GALNTL6: variants seen among roughly 807,000 people sequenced by gnomAD.
GALNTL6 encodes polypeptide N-acetylgalactosaminyltransferase-like 6.
In GALNTL6, 46 loss-of-function variants were observed where a neutral mutation model predicts 73.7. That is an observed-to-expected ratio of 0.62 (90% CI 0.49 to 0.80). The LOEUF is 0.80. GALNTL6 is among the 30% of genes least tolerant of loss of function. The pLI is 0.00. For missense variants in GALNTL6, 604 were observed against 755.0 expected, an observed-to-expected ratio of 0.80 and a Z score of 2.34; for synonymous variants, 259 against 263.7, an observed-to-expected ratio of 0.98 and a Z score of 0.17.
At chr4:172,909,428 T>C (rs192692368) in intron 8 of GALNTL6, among the ~76,000 whole-genome samples, 1 of 151,900 alleles carries the variant, frequency 6.6e-6, no homozygotes, top group African/African-American at 2.4e-5. Flanking sequence ...ATACCCTTCA[T>C]AAATAACGAT....
chr4:172,257,814 A>G (rs115778624), intron 3 of GALNTL6, among the ~76,000 whole-genome samples: 4,113 of 151,520 alleles, frequency 0.027, 172 homozygotes, highest in African/African-American at 0.092. Flanking sequence ...ATATTAATTT[A>G]CACAAAAGGT....
At chr4:172,906,203 A>G (rs546557860) in intron 8 of GALNTL6, among the ~76,000 whole-genome samples, 1 of 152,292 alleles carries the variant, frequency 6.6e-6, no homozygotes, top group Non-Finnish European at 1.5e-5. Flanking sequence ...ATGTGGAGAC[A>G]GATAAATTCA....
At position 172,211,674 on chromosome 4, in the gene GALNTL6, T is replaced by C. The variant is rs191531281; in HGVS notation, c.139-17982T>C. Among the ~76,000 whole-genome samples, 716 of 152,286 alleles carry C rather than the reference T, an allele frequency of 4.7e-3. 7 individuals carry two copies. Among genetic ancestry groups the C allele is most frequent in the Middle Eastern group, 0.014 (4 of 294 alleles). ...GGCTGTTACAACAAAATGCCTTACA[T>C]TGGGTAATTTATGAACAACAGAAAT... On this transcript the variant is annotated intron_variant, in intron 2 of 12. Coordinates refer to ENST00000506823, the MANE Select transcript of GALNTL6 (RefSeq NM_001034845.3).
intron 2 of GALNTL6, among the ~76,000 whole-genome samples, chr4:172,089,515 G>C (rs998410543): frequency 2.0e-5 from 3 of 151,980 alleles, no homozygotes; most frequent in Admixed American, 2.0e-4. Context: ...CAGAAGGGTG[G>C]GAGAGAAATT....
chr4:172,063,797 C>T (rs1731280035), intron 2 of GALNTL6, among the ~76,000 whole-genome samples: 1 of 152,110 alleles, frequency 6.6e-6, no homozygotes, highest in Non-Finnish European at 1.5e-5. Context: ...GGACTCTCCC[C>T]AATTTAACAA....
intron 2 of GALNTL6, among the ~76,000 whole-genome samples, chr4:171,942,448 G>T (rs553469620): frequency 9.9e-4 from 150 of 151,986 alleles, no homozygotes; most frequent in African/African-American, 3.5e-3. Flanking sequence ...TCCATGATAG[G>T]TCTTATTTGA....
chr4:172,810,022 T>TAGA (rs148847774), intron 6 of GALNTL6, among the ~76,000 whole-genome samples: 1,911 of 152,120 alleles, frequency 0.013, 36 homozygotes, highest in African/African-American at 0.042. Context: ...ACAGTTAAAG[T>TAGA]AGAAGCACCT....
chr4:171,872,976 A>G (rs1189182829), intron 2 of GALNTL6, among the ~76,000 whole-genome samples: 3 of 152,154 alleles, frequency 2.0e-5, no homozygotes, highest in Admixed American at 2.0e-4. Context: ...GAATTATGGG[A>G]GGGAAGATGA....
chr4:172,846,393 C>T (rs555316807), intron 7 of GALNTL6, among the ~76,000 whole-genome samples: 2 of 152,098 alleles, frequency 1.3e-5, no homozygotes, highest in Non-Finnish European at 2.9e-5. Flanking sequence ...TATAAACTGG[C>T]ATCAGGAACA....
intron 10 of GALNTL6, among the ~76,000 whole-genome samples, chr4:172,966,399 C>CTT (rs561306473): frequency 0.016 from 2,339 of 143,256 alleles, 21 homozygotes; most frequent in South Asian, 0.031. Context: ...GGGAGTCGAT[C>CTT]TTTTTTTTTT....
intron 5 of GALNTL6, among the ~76,000 whole-genome samples, chr4:172,444,402 G>GC (rs1204376011): frequency 9.9e-5 from 15 of 152,056 alleles, no homozygotes; most frequent in Non-Finnish European, 2.1e-4. Context: ...TCTAAGGTAG[G>GC]CCCGTGACTG....
intron 5 of GALNTL6, among the ~76,000 whole-genome samples, chr4:172,761,542 A>C (rs1738092405): frequency 6.6e-6 from 1 of 152,118 alleles, no homozygotes; most frequent in African/African-American, 2.4e-5. Context: ...CATGTGTTGA[A>C]GGAGGAGTCT....
intron 5 of GALNTL6, among the ~76,000 whole-genome samples, chr4:172,688,196 C>CTT (rs35640770): frequency 0.15 from 22,389 of 152,066 alleles, 1,921 homozygotes; most frequent in Admixed American, 0.25. Context: ...GGAATAACCA[C>CTT]TAAGTTAAAT....
intron 2 of GALNTL6, among the ~76,000 whole-genome samples, chr4:172,029,225 A>G (rs12503270): frequency 0.033 from 5,046 of 152,154 alleles, 188 homozygotes; most frequent in East Asian, 0.092. Flanking sequence ...ATACAGATGA[A>G]GCAATTCTTA....
At chr4:171,882,560 T>A (rs553728399) in intron 2 of GALNTL6, among the ~76,000 whole-genome samples, 6 of 152,288 alleles carry the variant, frequency 3.9e-5, no homozygotes, top group African/African-American at 1.2e-4. Flanking sequence ...GCCTCCAGTC[T>A]GTGGCCAAAG....
Position 171,821,785 on chromosome 4 carries a change from G to C in GALNTL6, c.138+7067G>C, listed in dbSNP as rs565988755. ...GAGGCATTGTCAAGACAGCACAGCA[G>C]AGCAACGTCACTGGTGTGTTGAATG... is the stretch of plus-strand genomic sequence containing the variant. On this transcript the variant is annotated intron_variant, in intron 2 of 12. Coordinates refer to ENST00000506823, the MANE Select transcript of GALNTL6 (RefSeq NM_001034845.3). Among the ~76,000 whole-genome samples the C allele has an allele frequency of 8.0e-4, 122 of 152,082 alleles. 1 individual carries two copies. The South Asian group carries it at 0.025, about 31-fold the overall frequency.
rs555337025 is a variant in GALNTL6, at chr4:172,765,033, T to C, written c.554-44328T>C. ...CTATCATTCTCTGGAACTAGCATAA[T>C]AGCAATCCAGGAATTAATTATCCTC... On this transcript the variant is annotated intron_variant, in intron 5 of 12. Transcript: ENST00000506823. Among the ~76,000 whole-genome samples, 4 of 152,344 alleles carry C rather than the reference T, an allele frequency of 2.6e-5. No homozygotes were observed. The South Asian group carries it at 8.3e-4, about 32-fold the overall frequency.
intron 5 of GALNTL6, among the ~76,000 whole-genome samples, chr4:172,387,098 GC>G: frequency 6.6e-6 from 1 of 152,082 alleles, no homozygotes; most frequent in Non-Finnish European, 1.5e-5. Context: ...CATCCTGAGG[GC>G]CCCACCCTCA....
intron 2 of GALNTL6, among the ~76,000 whole-genome samples, chr4:172,133,892 T>A (rs1399885161): frequency 6.6e-6 from 1 of 152,210 alleles, no homozygotes; most frequent in Non-Finnish European, 1.5e-5. Context: ...GATTCTCTAC[T>A]AGCAGATGCA....
Sources: gnomAD v4.1 joint callset for allele counts (sites outside exome capture counted in the v4.1 genomes callset) on GRCh38, gnomAD v4.1.1 for gene constraint, MANE v1.5 for transcripts, NCBI Gene and HGNC (gene_info 2026-07-23, HGNC 2026-07-21) for gene names.